The following COBLL1 variants were observed in gnomAD, a reference collection of about 807,000 sequenced individuals.
COBLL1 encodes the protein cordon-bleu protein-like 1.
Under a neutral mutation model 94.8 loss-of-function variants are expected in COBLL1, and 50 were observed. The ratio of observed to expected loss-of-function variants is 0.53; its 90% CI spans 0.42 to 0.67. COBLL1 has a LOEUF of 0.67. Ranked by LOEUF, COBLL1 falls within the 30% of genes least tolerant of loss-of-function variation. The pLI is 0.00. For missense variants in COBLL1, 1,362 were observed against 1,348.7 expected (o/e 1.01, Z -0.15); for synonymous variants, 448 against 473.8 (o/e 0.95, Z 0.71).
In COBLL1 at chr2:164,700,611, A is replaced by G; in HGVS notation, c.1371T>C (p.Asn457=). The G allele has an allele frequency of 3.7e-6, 6 of 1,613,706 alleles. No individual in the cohort carries two copies. The highest frequency in any genetic ancestry group is 5.1e-6 in the Non-Finnish European group (6 of 1,179,780). The change falls in exon 10 of 14, where the codon AAT becomes AAC. Residue 457 remains asparagine (N), a synonymous_variant. Transcript: ENST00000652658. ...CATTGCCAAGGGCTGAGTCAGGATC[A>G]TTTTTCAGTGTATTTATTATATCAG... is the stretch of plus-strand genomic sequence containing the variant. ...VSTDIINTLK[N]DPDSALGNGS... is the part of the protein sequence containing the mutation.
chr2:164,665,774 T>C (rs1468144913), intron 2 of COBLL1: 4 of 152,152 alleles, frequency 2.6e-5, no homozygotes, highest in African/African-American at 7.2e-5. Flanking sequence ...TAGAAGAGTA[T>C]GTCAATTTTC....
chr2:164,720,601 T>C (rs1441611103), intron 7 of COBLL1, among the ~76,000 whole-genome samples: 2 of 152,194 alleles, frequency 1.3e-5, no homozygotes, highest in African/African-American at 4.8e-5. Context: ...AAAATGCTAC[T>C]TCTTATTGTG....
At chr2:164,756,039 G>A (rs901280521) in intron 2 of COBLL1, among the ~76,000 whole-genome samples, 2 of 150,012 alleles carry the variant, frequency 1.3e-5, no homozygotes, top group African/African-American at 4.9e-5. Flanking sequence ...CGTGCGTATA[G>A]TGTGTATATG....
intron 2 of COBLL1, among the ~76,000 whole-genome samples, chr2:164,772,556 TAAG>T (rs1688259221): frequency 6.6e-6 from 1 of 152,086 alleles, no homozygotes; most frequent in South Asian, 2.1e-4. Flanking sequence ...TCACTTATTC[TAAG>T]AAGACTTCTT....
intron 2 of COBLL1, among the ~76,000 whole-genome samples, chr2:164,800,123 AAG>A (rs1308818755): frequency 1.3e-5 from 2 of 152,204 alleles, no homozygotes; most frequent in African/African-American, 4.8e-5. Context: ...ATACACAATT[AAG>A]AGAATAAAAA....
intron 2 of COBLL1, among the ~76,000 whole-genome samples, chr2:164,795,523 C>CAAATA (rs1390215454): frequency 2.0e-5 from 3 of 151,976 alleles, no homozygotes; most frequent in Non-Finnish European, 4.4e-5. Context: ...CTAGATTGAC[C>CAAATA]AATGACCCGC....
intron 2 of COBLL1, among the ~76,000 whole-genome samples, chr2:164,803,566 A>AAAAT (rs1328710021): frequency 2.0e-4 from 27 of 134,578 alleles, no homozygotes; most frequent in Non-Finnish European, 3.9e-4. Flanking sequence ...CTCTGTCTCA[A>AAAAT]AAATAAATAA....
intron 2 of COBLL1, among the ~76,000 whole-genome samples, chr2:164,818,702 G>A (rs1046589655): frequency 2.2e-5 from 3 of 138,512 alleles, no homozygotes; most frequent in African/African-American, 5.5e-5. Flanking sequence ...ATGTACTTAT[G>A]TAAACATATA....
intron 3 of COBLL1, among the ~76,000 whole-genome samples, chr2:164,731,614 C>T (rs1201107742): frequency 1.3e-5 from 2 of 152,132 alleles, no homozygotes; most frequent in South Asian, 2.1e-4. Context: ...GTGTGTACAT[C>T]GTATTTTTAC....
chr2:164,810,122 T>A (rs1210371216), intron 2 of COBLL1, among the ~76,000 whole-genome samples: 3 of 151,686 alleles, frequency 2.0e-5, no homozygotes, highest in Admixed American at 1.3e-4. Context: ...ACAGACATCA[T>A]CTTATAATCA....
At chr2:164,823,262 T>C (rs1405870321) in intron 2 of COBLL1, among the ~76,000 whole-genome samples, 1 of 152,204 alleles carries the variant, frequency 6.6e-6, no homozygotes, top group Non-Finnish European at 1.5e-5. Context: ...AATTGGCTGC[T>C]AGTGACCAGC....
intron 2 of COBLL1, among the ~76,000 whole-genome samples, chr2:164,663,317 T>A (rs1691100322): frequency 6.6e-6 from 1 of 152,228 alleles, no homozygotes; most frequent in African/African-American, 2.4e-5. Flanking sequence ...ATGAATCATT[T>A]AAAATATCTT....
At chr2:164,835,147 C>T (rs1683260462) in intron 2 of COBLL1, among the ~76,000 whole-genome samples, 1 of 152,074 alleles carries the variant, frequency 6.6e-6, no homozygotes, top group Admixed American at 6.5e-5. Context: ...CTATATGATC[C>T]AGACTTTCTA....
At chr2:164,742,212 GT>G (rs1231838192) in intron 3 of COBLL1, among the ~76,000 whole-genome samples, 1 of 151,964 alleles carries the variant, frequency 6.6e-6, no homozygotes, top group African/African-American at 2.4e-5. Flanking sequence ...GAACCCAGAG[GT>G]GCAATGATAG....
intron 2 of COBLL1, among the ~76,000 whole-genome samples, chr2:164,815,901 A>G (rs1227027795): frequency 6.6e-6 from 1 of 152,124 alleles, no homozygotes; most frequent in East Asian, 1.9e-4. Context: ...TTCTTCGCAA[A>G]AAGTAAAATT....
At chr2:164,703,705 G>A (rs1259697526) in intron 9 of COBLL1, 6 of 343,130 alleles carry the variant, frequency 1.7e-5, no homozygotes, top group African/African-American at 4.6e-5. Flanking sequence ...AAAATCAGGC[G>A]AGTCATATTA....
intron 3 of COBLL1, among the ~76,000 whole-genome samples, chr2:164,742,431 C>T (rs1686650107): frequency 6.6e-6 from 1 of 151,638 alleles, no homozygotes. Context: ...ATCCATTAAC[C>T]CTTTAAAACC....
rs116323474 is a variant in COBLL1 at position 164,817,691 on chromosome 2, C to T, written c.41+23465G>A. 5.8e-3 allele frequency among the ~76,000 whole-genome samples: 890 copies of T among 152,262 alleles called. 8 individuals carry two copies. The highest frequency in any genetic ancestry group is 9.4e-3 in the Non-Finnish European group (642 of 68,018). The stretch of plus-strand genomic sequence containing the variant: ...GAATGAGTTCCTACAGTATATTCTA[C>T]ATACCACTCCTGGGATAGGATCTAC... On this transcript the variant is annotated intron_variant, in intron 2 of 13. Transcript: ENST00000652658.
Position 164,707,342 on chromosome 2 carries a change from T to C in COBLL1, c.997-2237A>G, listed in dbSNP as rs530693912. Among the ~76,000 whole-genome samples, 7 of 152,260 alleles carry C rather than the reference T, an allele frequency of 4.6e-5. No individual in the cohort carries two copies. The South Asian group carries it at 1.0e-3, about 23-fold the overall frequency. ...TTTTAGTAGAGATGGGGTTTCACCA[T>C]GTTGGCTAGGCTGCTCTCGAACTCC... is the stretch of plus-strand genomic sequence containing the variant. On this transcript the variant is annotated intron_variant, in intron 7 of 13. Transcript: ENST00000652658.
Sources: gnomAD v4.1 joint callset for allele counts (sites outside exome capture counted in the v4.1 genomes callset) on GRCh38, gnomAD v4.1.1 for gene constraint, MANE v1.5 for transcripts, NCBI Gene and HGNC (gene_info 2026-07-23, HGNC 2026-07-21) for gene names.